MALRD1: variants seen among roughly 807,000 people sequenced by gnomAD.
MALRD1 encodes the protein MAM and LDL receptor class A domain containing 1, also known as MAM and LDL-receptor class A domain-containing protein 1.
Under a neutral mutation model 242.1 loss-of-function variants are expected in MALRD1, and 247 were observed. The ratio of observed to expected loss-of-function variants is 1.02; its 90% confidence interval spans 0.92 to 1.13. The LOEUF is 1.13. MALRD1 is among the 50% of genes most tolerant of loss of function. The pLI is 0.00. For missense variants in MALRD1, 2,989 were observed against 2,533.1 expected (o/e 1.18, Z -3.86); for synonymous variants, 995 against 866.6 (o/e 1.15, Z -2.60).
chr10:19,506,959 T>C (rs1019764162), intron 31 of MALRD1, among the ~76,000 whole-genome samples: 2 of 152,012 alleles, frequency 1.3e-5, no homozygotes, highest in South Asian at 2.1e-4. Context: ...ACAGGAAGAA[T>C]AGTGCCAACA....
intron 29 of MALRD1, among the ~76,000 whole-genome samples, chr10:19,464,753 G>T (rs1836134108): frequency 6.6e-6 from 1 of 152,054 alleles, no homozygotes; most frequent in Non-Finnish European, 1.5e-5. Context: ...GAAAATGATG[G>T]TGGTATTTTC....
chr10:19,634,190 A>G (rs1840029684), intron 36 of MALRD1, among the ~76,000 whole-genome samples: 1 of 152,100 alleles, frequency 6.6e-6, no homozygotes, highest in Admixed American at 6.6e-5. Flanking sequence ...CCGGAAGCAC[A>G]CTGAAATCAA....
At chr10:19,455,765 A>G (rs1236854393) in intron 29 of MALRD1, among the ~76,000 whole-genome samples, 1 of 152,234 alleles carries the variant, frequency 6.6e-6, no homozygotes, top group African/African-American at 2.4e-5. Flanking sequence ...TGTTCCACAA[A>G]CATGGATTTT....
intron 24 of MALRD1, among the ~76,000 whole-genome samples, chr10:19,343,154 C>T (rs1843959443): frequency 6.6e-6 from 1 of 151,986 alleles, no homozygotes; most frequent in Admixed American, 6.6e-5. Flanking sequence ...ATGATTATTA[C>T]TTCACAGAAT....
intron 5 of MALRD1, among the ~76,000 whole-genome samples, chr10:19,110,108 G>A (rs1434868259): frequency 9.2e-5 from 14 of 152,104 alleles, no homozygotes; most frequent in Non-Finnish European, 2.1e-4. Context: ...GCAACACTCT[G>A]GTGCTTTCCC....
chr10:19,340,174 T>G (rs1009726726), intron 24 of MALRD1, among the ~76,000 whole-genome samples: 3 of 152,166 alleles, frequency 2.0e-5, no homozygotes, highest in Non-Finnish European at 4.4e-5. Flanking sequence ...GTTTACGGGT[T>G]ACATAAGATG....
intron 2 of MALRD1, among the ~76,000 whole-genome samples, chr10:19,082,339 T>G (rs1835517426): frequency 6.6e-6 from 1 of 151,768 alleles, no homozygotes; most frequent in South Asian, 2.1e-4. Flanking sequence ...TTGCCACAAA[T>G]TACATCATTA....
intron 12 of MALRD1, among the ~76,000 whole-genome samples, chr10:19,159,586 A>G (rs1834309273): frequency 6.6e-6 from 1 of 152,084 alleles, no homozygotes; most frequent in Admixed American, 6.6e-5. Flanking sequence ...GAAGTTGAGA[A>G]AATTGGCAGA....
chr10:19,413,176 G>C (rs1359556396), intron 28 of MALRD1, among the ~76,000 whole-genome samples: 1 of 152,070 alleles, frequency 6.6e-6, no homozygotes, highest in Non-Finnish European at 1.5e-5. Context: ...GAAAAACTGA[G>C]ACTCAAAGAT....
intron 18 of MALRD1, among the ~76,000 whole-genome samples, chr10:19,241,827 G>A (rs1838794027): frequency 6.6e-6 from 1 of 151,944 alleles, no homozygotes; most frequent in Non-Finnish European, 1.5e-5. Flanking sequence ...GATTTCTTGG[G>A]TGCATGCTAT....
In MALRD1 at chr10:19,146,482, C is replaced by G. The variant is rs1588612697; in HGVS notation, c.1558+138C>G. 5 of 700,084 alleles carry G rather than the reference C, an allele frequency of 7.1e-6. No homozygotes were observed. The East Asian group carries it at 1.4e-4, about 19-fold the overall frequency. The allele number at this position is 700,084 out of a possible 1,614,324, so 43.4% of individuals were successfully genotyped here. On this transcript the variant is annotated intron_variant, in intron 11 of 39. Transcript: ENST00000454679. ...TTGTCTTGCTTTAAAACCTCCTGAC[C>G]AAGTTAATAATTGGCGGGTAATTGA...
chr10:19,257,523 G>A (rs188898846), intron 18 of MALRD1, among the ~76,000 whole-genome samples, 161 bp from the exon 19 acceptor site: 1 of 152,226 alleles, frequency 6.6e-6, no homozygotes, highest in East Asian at 1.9e-4. Flanking sequence ...AGTATTCAAG[G>A]CAAGATGACC....
chr10:19,646,578 C>G (rs1208958618), intron 36 of MALRD1, among the ~76,000 whole-genome samples: 2 of 151,480 alleles, frequency 1.3e-5, no homozygotes, highest in Non-Finnish European at 2.9e-5. Flanking sequence ...GCACTCCAGT[C>G]TGGGTGACAG....
At chr10:19,566,298 ATTTTTTTTTTTT>A (rs10548629) in intron 32 of MALRD1, among the ~76,000 whole-genome samples, 1 of 111,040 alleles carries the variant, frequency 9.0e-6, no homozygotes, top group African/African-American at 3.3e-5. Flanking sequence ...TGCCTGGCTA[ATTTTTTTTTTTT>A]TTTTTTTTTT....
At chr10:19,071,033 G>A (rs1412499508) in intron 2 of MALRD1, among the ~76,000 whole-genome samples, 2 of 151,486 alleles carry the variant, frequency 1.3e-5, no homozygotes, top group Admixed American at 6.6e-5. Context: ...TGTACTTTTA[G>A]TAGAGATGAG....
Position 19,224,254 on chromosome 10 carries a change from A to T in MALRD1, c.2991+14574A>T, listed in dbSNP as rs373569989. On this transcript the variant is annotated intron_variant, in intron 18 of 39. Transcript: ENST00000454679. The stretch of plus-strand genomic sequence containing the variant: ...TGATTGCCATTCTAACTGGCGCGAG[A>T]TGGTATCTCATTGGACCAGGGATGA... 1.6e-3 allele frequency among the ~76,000 whole-genome samples: 239 copies of T among 148,896 alleles called. 1 individual carries two copies. Among genetic ancestry groups the T allele is most frequent in the African/African-American group, 5.5e-3 (226 of 40,750 alleles).
intron 18 of MALRD1, among the ~76,000 whole-genome samples, chr10:19,218,687 C>T (rs1212868253): frequency 6.6e-6 from 1 of 152,086 alleles, no homozygotes; most frequent in East Asian, 1.9e-4. Context: ...ACTCTGTCTT[C>T]TTTAAAGTCT....
chr10:19,159,079 A>C (rs1834286678), intron 12 of MALRD1, among the ~76,000 whole-genome samples: 1 of 152,178 alleles, frequency 6.6e-6, no homozygotes, highest in African/African-American at 2.4e-5. Flanking sequence ...AAAGCACATA[A>C]AGATTAATCA....
intron 26 of MALRD1, among the ~76,000 whole-genome samples, chr10:19,387,142 A>C (rs923716762): frequency 6.6e-6 from 1 of 152,166 alleles, no homozygotes; most frequent in African/African-American, 2.4e-5. Flanking sequence ...CACATAATAC[A>C]TGATCTCTTA....
Sources: gnomAD v4.1 joint callset for allele counts (sites outside exome capture counted in the v4.1 genomes callset) on GRCh38, gnomAD v4.1.1 for gene constraint, MANE v1.5 for transcripts, NCBI Gene and HGNC (gene_info 2026-07-23, HGNC 2026-07-21) for gene names.